The following FRMD3 variants were observed in gnomAD, a reference collection of about 807,000 sequenced individuals.
FRMD3 encodes FERM domain containing 3, also known as FERM domain-containing protein 3.
A neutral mutation model predicts 70.2 loss-of-function variants in FRMD3; 33 were observed. The observed-to-expected ratio is 0.47, with a 90% CI of 0.36 to 0.63. The LOEUF is 0.63. FRMD3 is among the 20% of genes least tolerant of loss of function. FRMD3 has a pLI of 0.00. For synonymous variants in FRMD3, 279 were observed against 255.9 expected (o/e 1.09, Z -0.86); for missense variants, 632 against 711.4 (o/e 0.89, Z 1.27).
At chr9:83,288,489 C>A (rs181655034) in intron 13 of FRMD3, among the ~76,000 whole-genome samples, 1 of 152,234 alleles carries the variant, frequency 6.6e-6, no homozygotes, top group Admixed American at 6.5e-5. Context: ...CATGACTTGT[C>A]TGAACTTTAA....
chr9:83,245,814 G>A lies in FRMD3; in HGVS notation c.*2104C>T, dbSNP rs546981849. ...TGTCAGAAAGGATGACTTAGAAGTC[G>A]TATGAGAAAAGAAGGAGAAAAACAC... On this transcript the variant is annotated 3_prime_UTR_variant, in exon 14 of 14. Coordinates refer to ENST00000304195, the MANE Select transcript of FRMD3 (RefSeq NM_174938.6). 2.2e-5 allele frequency: 22 copies of A among 985,134 alleles called. No homozygotes were observed. The South Asian group carries it at 5.6e-4, about 25-fold the overall frequency. The allele number at this position is 985,134 out of a possible 1,614,324, so 61.0% of individuals were successfully genotyped here.
chr9:83,418,981 T>G (rs1424036394), intron 1 of FRMD3, among the ~76,000 whole-genome samples: 1 of 152,212 alleles, frequency 6.6e-6, no homozygotes, highest in East Asian at 1.9e-4. Flanking sequence ...CAGTGTCTTT[T>G]GCAGCAACTT....
chr9:83,279,941 A>G (rs750000221), intron 13 of FRMD3, among the ~76,000 whole-genome samples: 1 of 152,212 alleles, frequency 6.6e-6, no homozygotes, highest in Non-Finnish European at 1.5e-5. Context: ...CGTTCTGTAC[A>G]TGTATCCTGG....
At chr9:83,361,002 C>A (rs1445546096) in intron 3 of FRMD3, among the ~76,000 whole-genome samples, 1 of 152,148 alleles carries the variant, frequency 6.6e-6, no homozygotes. Context: ...ATAACAGATA[C>A]CTGGCCCAAC....
At chr9:83,426,305 G>T (rs1826809442) in intron 1 of FRMD3, among the ~76,000 whole-genome samples, 1 of 152,234 alleles carries the variant, frequency 6.6e-6, no homozygotes, top group African/African-American at 2.4e-5. Flanking sequence ...ACGAAAATCT[G>T]TCTGGATTGT....
chr9:83,308,888 G>A (rs1835240655), intron 10 of FRMD3, among the ~76,000 whole-genome samples: 1 of 152,128 alleles, frequency 6.6e-6, no homozygotes, highest in South Asian at 2.1e-4. Context: ...GAGTAAGCCA[G>A]AAATATCAGA....
At chr9:83,485,329 C>A (rs192909944) in intron 1 of FRMD3, among the ~76,000 whole-genome samples, 2 of 152,288 alleles carry the variant, frequency 1.3e-5, no homozygotes, top group East Asian at 3.9e-4. Context: ...CAGAGTAATT[C>A]GTAAATAATT....
At chr9:83,376,822 A>G (rs1005724923) in intron 2 of FRMD3, among the ~76,000 whole-genome samples, 14 of 152,076 alleles carry the variant, frequency 9.2e-5, no homozygotes, top group African/African-American at 3.4e-4. Flanking sequence ...TATTTTGCAA[A>G]GCTTGGTTTC....
At chr9:83,438,469 G>C (rs1827202379) in intron 1 of FRMD3, among the ~76,000 whole-genome samples, 1 of 151,982 alleles carries the variant, frequency 6.6e-6, no homozygotes, top group Admixed American at 6.5e-5. Context: ...GCCCAGGCTG[G>C]AGTGCAATGG....
chr9:83,304,698 A>C (rs763741815), intron 10 of FRMD3, among the ~76,000 whole-genome samples: 10 of 152,238 alleles, frequency 6.6e-5, no homozygotes, highest in African/African-American at 2.4e-5. Context: ...AAAAACTGTG[A>C]GATAAAGATG....
chr9:83,486,489 CAGG>C (rs1828693242), intron 1 of FRMD3, among the ~76,000 whole-genome samples: 1 of 152,170 alleles, frequency 6.6e-6, no homozygotes, highest in Non-Finnish European at 1.5e-5. Flanking sequence ...TTTAAAATGA[CAGG>C]AGGTCACCAT....
At chr9:83,543,049 A>C (rs1187555784), upstream of FRMD3, among the ~76,000 whole-genome samples, 1 of 152,128 alleles carries the variant, frequency 6.6e-6, no homozygotes, top group Non-Finnish European at 1.5e-5. Context: ...AAAATCAACA[A>C]ACATCAACAC....
intron 8 of FRMD3, among the ~76,000 whole-genome samples, chr9:83,311,608 T>A (rs1835359698): frequency 6.6e-6 from 1 of 152,080 alleles, no homozygotes; most frequent in Non-Finnish European, 1.5e-5. Flanking sequence ...TGTGCCCCCC[T>A]TGGCCACAGC....
chr9:83,471,287 T>C (rs1828262126), intron 1 of FRMD3, among the ~76,000 whole-genome samples: 1 of 152,218 alleles, frequency 6.6e-6, no homozygotes, highest in Non-Finnish European at 1.5e-5. Flanking sequence ...TCTGGGCAAC[T>C]TGTAAATTCC....
At chr9:83,260,895 C>T (rs908650554) in intron 13 of FRMD3, among the ~76,000 whole-genome samples, 2 of 152,040 alleles carry the variant, frequency 1.3e-5, no homozygotes, top group Non-Finnish European at 2.9e-5. Flanking sequence ...AAACTCCTGT[C>T]CCATGGGTTT....
intron 1 of FRMD3, among the ~76,000 whole-genome samples, chr9:83,451,570 C>T (rs1827658651): frequency 6.6e-6 from 1 of 152,158 alleles, no homozygotes. Context: ...GGGATGCTGG[C>T]ATGAATTTTT....
chr9:83,337,137 C>T (rs577432272), intron 5 of FRMD3, among the ~76,000 whole-genome samples: 1 of 152,232 alleles, frequency 6.6e-6, no homozygotes, highest in African/African-American at 2.4e-5. Flanking sequence ...TGTGACTATT[C>T]ACAGCCCCTA....
chr9:83,431,738 C>G (rs1826983743), intron 1 of FRMD3, among the ~76,000 whole-genome samples: 1 of 152,168 alleles, frequency 6.6e-6, no homozygotes, highest in African/African-American at 2.4e-5. Flanking sequence ...TTGCAGCTCC[C>G]TTACTATTTT....
At chr9:83,480,030 T>C (rs1828530719) in intron 1 of FRMD3, among the ~76,000 whole-genome samples, 1 of 152,188 alleles carries the variant, frequency 6.6e-6, no homozygotes, top group Non-Finnish European at 1.5e-5. Flanking sequence ...GAGGAAATGG[T>C]TTGATATTAT....
Sources: gnomAD v4.1 joint callset for allele counts (sites outside exome capture counted in the v4.1 genomes callset) on GRCh38, gnomAD v4.1.1 for gene constraint, MANE v1.5 for transcripts, NCBI Gene and HGNC (gene_info 2026-07-23, HGNC 2026-07-21) for gene names.